Variants in AGMO observed in about 807,000 individuals in gnomAD.
AGMO encodes glyceryl-ether monooxygenase.
A neutral mutation model predicts 60.2 loss-of-function variants in AGMO; 75 were observed. The observed-to-expected ratio is 1.25, with a 90% CI of 1.03 to 1.51. The LOEUF is 1.51. Ranked by LOEUF, AGMO falls within the 40% of genes most tolerant of loss-of-function variation. AGMO has a pLI of 0.00. For synonymous variants in AGMO, 261 were observed against 177.1 expected (o/e 1.47, Z -3.76); for missense variants, 763 against 525.5 (o/e 1.45, Z -4.42).
At chr7:15,161,493 TACAC>T in the AGMO span, among the ~76,000 whole-genome samples, 1 of 150,878 alleles carries the variant, frequency 6.6e-6, no homozygotes, top group East Asian at 1.9e-4. Context: ...CTTGTATAAA[TACAC>T]ACATATGTCA....
chr7:15,388,080 G>T (rs1464267478), intron 8 of AGMO, among the ~76,000 whole-genome samples: 1 of 151,962 alleles, frequency 6.6e-6, no homozygotes, highest in African/African-American at 2.4e-5. Context: ...GCTAATTTTT[G>T]TAGTTTTAGT....
chr7:15,174,247 T>C, the AGMO span, among the ~76,000 whole-genome samples: 7 of 152,114 alleles, frequency 4.6e-5, no homozygotes, highest in Admixed American at 4.6e-4. Flanking sequence ...CTTTTGTGTA[T>C]ATACATCCAC....
intron 12 of AGMO, among the ~76,000 whole-genome samples, chr7:15,303,647 T>C (rs993875856): frequency 1.3e-5 from 2 of 152,064 alleles, no homozygotes; most frequent in African/African-American, 2.4e-5. Context: ...AGTTGTGCTC[T>C]GCCATAAAAG....
chr7:15,405,951 T>C (rs1784673679), intron 5 of AGMO, among the ~76,000 whole-genome samples: 1 of 151,872 alleles, frequency 6.6e-6, no homozygotes, highest in Non-Finnish European at 1.5e-5. Context: ...GTTCTCTTCT[T>C]CAATTTGGCA....
intron 12 of AGMO, among the ~76,000 whole-genome samples, chr7:15,276,647 T>C (rs564915553): frequency 2.0e-5 from 3 of 152,288 alleles, no homozygotes; most frequent in Non-Finnish European, 4.4e-5. Context: ...TTTTTTTACT[T>C]TTCCTTCTCC....
At chr7:15,559,226 C>T (rs562296172) in intron 2 of AGMO, among the ~76,000 whole-genome samples, 1 of 152,158 alleles carries the variant, frequency 6.6e-6, no homozygotes, top group Admixed American at 6.6e-5. Flanking sequence ...GACATCATTC[C>T]AGGCACAGGA....
chr7:15,161,724 T>C, the AGMO span, among the ~76,000 whole-genome samples: 1 of 151,852 alleles, frequency 6.6e-6, no homozygotes, highest in African/African-American at 2.4e-5. Flanking sequence ...CACACATATG[T>C]AATCACATAC....
chr7:15,474,664 A>C (rs1782545323), intron 3 of AGMO, among the ~76,000 whole-genome samples: 1 of 152,272 alleles, frequency 6.6e-6, no homozygotes, highest in East Asian at 1.9e-4. Context: ...AATACACCAA[A>C]AGCAATGGCA....
intron 5 of AGMO, among the ~76,000 whole-genome samples, chr7:15,395,726 A>G (rs539584893): frequency 1.3e-5 from 2 of 152,240 alleles, no homozygotes; most frequent in Non-Finnish European, 2.9e-5. Flanking sequence ...TTTGTTAAAA[A>G]TTTAAACTGC....
chr7:15,172,381 T>G, the AGMO span, among the ~76,000 whole-genome samples: 2 of 152,180 alleles, frequency 1.3e-5, no homozygotes, highest in South Asian at 4.1e-4. Context: ...GGGTTCAGGT[T>G]GAAGATGGTA....
intron 12 of AGMO, among the ~76,000 whole-genome samples, chr7:15,249,748 A>C (rs1782877726): frequency 1.3e-5 from 2 of 152,228 alleles, no homozygotes; most frequent in South Asian, 2.1e-4. Context: ...TATTTCCCCA[A>C]ATTTTCTAGA....
chr7:15,239,495 G>C (rs1198545872), intron 12 of AGMO, among the ~76,000 whole-genome samples: 2 of 152,078 alleles, frequency 1.3e-5, no homozygotes, highest in East Asian at 3.9e-4. Flanking sequence ...CTCTATGAAG[G>C]TTAGGTAATT....
At chr7:15,122,998 C>T in the AGMO span, among the ~76,000 whole-genome samples, 1 of 152,080 alleles carries the variant, frequency 6.6e-6, no homozygotes, top group Non-Finnish European at 1.5e-5. Flanking sequence ...TGCTTTCTGA[C>T]ATGTTTTCCT....
chr7:15,275,443 G>A (rs1783754052), intron 12 of AGMO, among the ~76,000 whole-genome samples: 1 of 151,940 alleles, frequency 6.6e-6, no homozygotes, highest in Admixed American at 6.6e-5. Context: ...ATTGAGATTT[G>A]CTTAAGGGTC....
At chr7:15,327,829 A>G (rs1462360051) in intron 12 of AGMO, among the ~76,000 whole-genome samples, 2 of 143,410 alleles carry the variant, frequency 1.4e-5, no homozygotes, top group Non-Finnish European at 3.0e-5. Context: ...TAGTGTTGCC[A>G]TCACAGCTCA....
chr7:15,300,445 T>C (rs957107948), intron 12 of AGMO, among the ~76,000 whole-genome samples: 2 of 152,096 alleles, frequency 1.3e-5, no homozygotes, highest in Admixed American at 1.3e-4. Flanking sequence ...ACTGACATCT[T>C]CAAAGCCTTG....
At chr7:15,446,535 T>A (rs1253653220) in intron 3 of AGMO, among the ~76,000 whole-genome samples, 1 of 152,216 alleles carries the variant, frequency 6.6e-6, no homozygotes, top group Non-Finnish European at 1.5e-5. Context: ...CCAGCTGATA[T>A]GCACATGTAA....
intron 3 of AGMO, among the ~76,000 whole-genome samples, chr7:15,504,860 A>C (rs964385231): frequency 1.3e-5 from 2 of 151,948 alleles, no homozygotes; most frequent in African/African-American, 4.8e-5. Context: ...GAAGACTCAA[A>C]TCATTTCTCA....
chr7:15,244,777 G>T (rs905886037), intron 12 of AGMO, among the ~76,000 whole-genome samples: 2 of 151,866 alleles, frequency 1.3e-5, no homozygotes, highest in African/African-American at 4.8e-5. Context: ...TCAGCCTCCC[G>T]AGTGGCTGGG....
Sources: gnomAD v4.1 joint callset for allele counts (sites outside exome capture counted in the v4.1 genomes callset) on GRCh38, gnomAD v4.1.1 for gene constraint, MANE v1.5 for transcripts, NCBI Gene and HGNC (gene_info 2026-07-23, HGNC 2026-07-21) for gene names.